The following FBXL17 variants were observed in gnomAD, a reference collection of about 807,000 sequenced individuals.
FBXL17 encodes F-box and leucine rich repeat protein 17.
Under a neutral mutation model 66.2 loss-of-function variants are expected in FBXL17, and 22 were observed. The observed-to-expected ratio is 0.33, with a 90% CI of 0.24 to 0.47. The LOEUF (loss-of-function observed/expected upper bound fraction) is 0.47. FBXL17 is among the 20% of genes least tolerant of loss of function. FBXL17 has a pLI of 1.00. For synonymous variants in FBXL17, 474 were observed against 400.5 expected, an observed-to-expected ratio of 1.18 and a Z score of -2.19; for missense variants, 878 against 948.2, an observed-to-expected ratio of 0.93 and a Z score of 0.97.
At chr5:108,210,505 G>A (rs542076064) in intron 5 of FBXL17, among the ~76,000 whole-genome samples, 56 of 152,248 alleles carry the variant, frequency 3.7e-4, no homozygotes, top group Non-Finnish European at 6.3e-4. Flanking sequence ...ATTCTGGTAT[G>A]TTGTGTCTTC....
In FBXL17 at chr5:108,343,537, G is replaced by A. The variant is rs867333342; in HGVS notation, c.1506+4862C>T. Among the ~76,000 whole-genome samples the A allele has an allele frequency of 9.2e-5, 14 of 152,154 alleles. No homozygotes were observed. The South Asian group carries it at 1.5e-3, about 16-fold the overall frequency. On this transcript the variant is annotated intron_variant, in intron 4 of 8. Coordinates refer to ENST00000542267, the MANE Select transcript of FBXL17 (RefSeq NM_001163315.3). Reference sequence around the variant, plus strand: ...ATTATAGGAGGGGAACTAAGGGTGCGGACAACCAATCTCCTTAATATATTA... The same window carrying A: ...ATTATAGGAGGGGAACTAAGGGTGCAGACAACCAATCTCCTTAATATATTA...
chr5:107,994,406 A>T (rs988467303), intron 7 of FBXL17, among the ~76,000 whole-genome samples: 2 of 152,140 alleles, frequency 1.3e-5, no homozygotes, highest in African/African-American at 2.4e-5. Context: ...GTGTGTGTGT[A>T]TATATGCACA....
intron 1 of FBXL17, among the ~76,000 whole-genome samples, chr5:108,376,016 A>C (rs1465679047): frequency 6.6e-6 from 1 of 152,238 alleles, no homozygotes; most frequent in South Asian, 2.1e-4. Context: ...GGTAAAAAGC[A>C]AAAACAAAAC....
At chr5:108,116,649 A>T (rs916119116) in intron 6 of FBXL17, among the ~76,000 whole-genome samples, 57 of 151,738 alleles carry the variant, frequency 3.8e-4, no homozygotes, top group Admixed American at 1.4e-3. Flanking sequence ...TCCGTCTCAA[A>T]AATAATAATA....
intron 8 of FBXL17, among the ~76,000 whole-genome samples, chr5:107,872,802 C>T (rs774938370): frequency 2.0e-5 from 3 of 152,204 alleles, no homozygotes; most frequent in Non-Finnish European, 2.9e-5. Flanking sequence ...CAATGTGAGA[C>T]AGATGCTATT....
chr5:108,309,356 A>C (rs1263915877), intron 4 of FBXL17, among the ~76,000 whole-genome samples: 1 of 151,886 alleles, frequency 6.6e-6, no homozygotes, highest in Non-Finnish European at 1.5e-5. Context: ...GTTTGAAAGA[A>C]CTCTGTAAAA....
At chr5:108,261,383 C>G (rs75266750) in intron 4 of FBXL17, among the ~76,000 whole-genome samples, 3,758 of 151,984 alleles carry the variant, frequency 0.025, 149 homozygotes, top group African/African-American at 0.085. Flanking sequence ...TAAACCCATA[C>G]CATGGCATAT....
At chr5:108,359,727 T>C (rs980848262) in intron 3 of FBXL17, among the ~76,000 whole-genome samples, 1 of 152,176 alleles carries the variant, frequency 6.6e-6, no homozygotes, top group African/African-American at 2.4e-5. Flanking sequence ...ATGGTCTATC[T>C]GTGAGACTGT....
chr5:108,177,584 G>T (rs991221858), intron 6 of FBXL17, among the ~76,000 whole-genome samples: 1 of 152,012 alleles, frequency 6.6e-6, no homozygotes, highest in Non-Finnish European at 1.5e-5. Flanking sequence ...GGCATGGGTT[G>T]GAACTATCCT....
At chr5:108,226,320 T>C (rs571188621) in intron 4 of FBXL17, among the ~76,000 whole-genome samples, 7 of 152,232 alleles carry the variant, frequency 4.6e-5, no homozygotes, top group Non-Finnish European at 1.0e-4. Flanking sequence ...TAGAAAATAT[T>C]GAAATAAATA....
At chr5:108,049,740 C>G (rs769035441) in intron 6 of FBXL17, among the ~76,000 whole-genome samples, 1 of 152,066 alleles carries the variant, frequency 6.6e-6, no homozygotes. Flanking sequence ...CATAACAATA[C>G]TAAACTTAAA....
intron 7 of FBXL17, among the ~76,000 whole-genome samples, chr5:107,886,476 A>G (rs1417625856): frequency 6.6e-6 from 1 of 152,148 alleles, no homozygotes; most frequent in Non-Finnish European, 1.5e-5. Context: ...TCAGAGCTTC[A>G]TAGAGAAATC....
chr5:108,136,244 T>C (rs957942584), intron 6 of FBXL17, among the ~76,000 whole-genome samples: 2 of 152,138 alleles, frequency 1.3e-5, no homozygotes, highest in Non-Finnish European at 2.9e-5. Flanking sequence ...TAATTCAAAT[T>C]ACTACTGGTT....
chr5:108,154,032 C>A lies in FBXL17; in HGVS notation c.1745+32085G>T, dbSNP rs574336896. Among the ~76,000 whole-genome samples the A allele has an allele frequency of 2.0e-5, 3 of 151,980 alleles. No homozygotes were observed. The South Asian group carries it at 6.2e-4, about 32-fold the overall frequency. The stretch of plus-strand genomic sequence containing the variant: ...TGCCAACAAATCTGCCTCAAATCTG[C>A]CAACAAATAGCCCAAATGAGCCCAC... On this transcript the variant is annotated intron_variant, in intron 6 of 8. Transcript: ENST00000542267.
intron 6 of FBXL17, among the ~76,000 whole-genome samples, chr5:108,066,164 A>C (rs1748109369): frequency 6.6e-6 from 1 of 152,138 alleles, no homozygotes; most frequent in Non-Finnish European, 1.5e-5. Flanking sequence ...TGGGGACAAA[A>C]GAGACATCAT....
intron 7 of FBXL17, among the ~76,000 whole-genome samples, chr5:107,898,998 A>G (rs10040275): frequency 0.15 from 22,767 of 152,098 alleles, 2,192 homozygotes; most frequent in African/African-American, 0.25. Flanking sequence ...GGACTGCTGG[A>G]TCAAGTGGTA....
intron 4 of FBXL17, among the ~76,000 whole-genome samples, chr5:108,264,214 C>CAA (rs35346820): frequency 0.16 from 8,712 of 55,448 alleles, 1,475 homozygotes; most frequent in Middle Eastern, 0.19. Flanking sequence ...GACTCTTTCT[C>CAA]AAAAAAAAAA....
chr5:108,344,810 A>T (rs1356969430), intron 4 of FBXL17, among the ~76,000 whole-genome samples: 1 of 152,204 alleles, frequency 6.6e-6, no homozygotes, highest in Non-Finnish European at 1.5e-5. Context: ...AATATGACTT[A>T]AAAATAGCTT....
chr5:108,146,628 A>G (rs1298685513), intron 6 of FBXL17, among the ~76,000 whole-genome samples: 1 of 152,226 alleles, frequency 6.6e-6, no homozygotes, highest in Non-Finnish European at 1.5e-5. Flanking sequence ...CTAAAGCTAT[A>G]TAACTTATGC....
Sources: allele counts gnomAD v4.1 joint callset (sites outside exome capture counted in the v4.1 genomes callset), GRCh38; gene constraint gnomAD v4.1.1; transcripts MANE v1.5; gene names NCBI Gene and HGNC (gene_info 2026-07-23, HGNC 2026-07-21).